SPAG16: variants seen among roughly 807,000 people sequenced by gnomAD.
SPAG16 encodes sperm associated antigen 16.
SPAG16 carries 86 observed loss-of-function variants against 80.4 expected under a neutral mutation model. That is an observed-to-expected ratio of 1.07 (90% CI 0.90 to 1.28). The LOEUF (loss-of-function observed/expected upper bound fraction) is 1.28, where lower values mean the gene tolerates loss of function less well. Among genes scored for constraint, SPAG16 ranks in the 50% most tolerant of loss-of-function variants. SPAG16 has a pLI of 0.00. For missense variants in SPAG16, 870 were observed against 765.3 expected (o/e 1.14, Z -1.61); for synonymous variants, 294 against 265.9 (o/e 1.11, Z -1.03).
chr2:213,552,765 G>A (rs558816852), intron 10 of SPAG16, among the ~76,000 whole-genome samples: 1 of 150,730 alleles, frequency 6.6e-6, no homozygotes, highest in South Asian at 2.1e-4. Context: ...CCTCAATCTG[G>A]GTGGGCACCA....
intron 15 of SPAG16, among the ~76,000 whole-genome samples, chr2:214,248,009 C>T (rs73081082): frequency 0.12 from 18,084 of 151,612 alleles, 1,156 homozygotes; most frequent in Middle Eastern, 0.23. Flanking sequence ...GCAGGGACAA[C>T]AGCAAGTCCG....
chr2:214,343,713 T>G (rs565613457), intron 15 of SPAG16, among the ~76,000 whole-genome samples: 1 of 152,288 alleles, frequency 6.6e-6, no homozygotes, highest in South Asian at 2.1e-4. Flanking sequence ...TTAGTTAGTC[T>G]AGTTTCTACC....
intron 10 of SPAG16, among the ~76,000 whole-genome samples, chr2:213,573,219 T>C (rs2059990273): frequency 6.6e-6 from 1 of 152,114 alleles, no homozygotes; most frequent in African/African-American, 2.4e-5. Flanking sequence ...CGCTGGGAGC[T>C]GTAGACCGGA....
At chr2:214,058,000 A>C (rs2050036094) in intron 13 of SPAG16, among the ~76,000 whole-genome samples, 1 of 152,062 alleles carries the variant, frequency 6.6e-6, no homozygotes, top group African/African-American at 2.4e-5. Context: ...CTTTGGCTTA[A>C]AAAAAATGTT....
intron 10 of SPAG16, among the ~76,000 whole-genome samples, chr2:213,822,292 G>A (rs1211861481): frequency 2.0e-5 from 3 of 151,970 alleles, no homozygotes; most frequent in Non-Finnish European, 4.4e-5. Flanking sequence ...GCATTTCATC[G>A]ATCTTTTTAT....
intron 15 of SPAG16, among the ~76,000 whole-genome samples, chr2:214,257,028 C>T (rs6741126): frequency 0.1 from 15,556 of 151,804 alleles, 836 homozygotes; most frequent in East Asian, 0.18. Flanking sequence ...ATCTTGCAAT[C>T]CGTGGAAATG....
chr2:213,326,861 G>T (rs187048510), intron 5 of SPAG16, among the ~76,000 whole-genome samples: 1 of 151,762 alleles, frequency 6.6e-6, no homozygotes. Context: ...TTTTACCATG[G>T]ATATTCACTT....
intron 12 of SPAG16, among the ~76,000 whole-genome samples, chr2:213,953,709 G>A (rs1198954551): frequency 2.6e-5 from 4 of 151,742 alleles, no homozygotes; most frequent in African/African-American, 9.7e-5. Flanking sequence ...TAACAGAAAC[G>A]TTCAAGTAGA....
At chr2:213,531,934 T>A (rs958293477) in intron 10 of SPAG16, among the ~76,000 whole-genome samples, 2 of 152,200 alleles carry the variant, frequency 1.3e-5, no homozygotes, top group African/African-American at 4.8e-5. Flanking sequence ...GTATCTTGTA[T>A]ATGTACAGAG....
At position 214,225,427 on chromosome 2, in the gene SPAG16, A is replaced by C. The variant is rs142854733; in HGVS notation, c.1720+76161A>C. Among the ~76,000 whole-genome samples the C allele has an allele frequency of 6.1e-3, 929 of 152,278 alleles. 10 individuals are homozygous for C. Among genetic ancestry groups the C allele is most frequent in the South Asian group, 0.038 (183 of 4,820 alleles). On this transcript the variant is annotated intron_variant, in intron 15 of 15. Transcript: ENST00000331683. Reference sequence around the variant, plus strand: ...GAAAGCTGATGGATGCTTGGATCAGAGTGAAAGCAGGGAAGGCAGGGACAC... The same window carrying C: ...GAAAGCTGATGGATGCTTGGATCAGCGTGAAAGCAGGGAAGGCAGGGACAC...
intron 15 of SPAG16, among the ~76,000 whole-genome samples, chr2:214,394,226 A>G (rs949211207): frequency 6.6e-6 from 1 of 151,578 alleles, no homozygotes; most frequent in South Asian, 2.1e-4. Flanking sequence ...CTCTCTTTCT[A>G]AGTCAAGTAA....
chr2:214,129,035 G>A (rs761501645), intron 14 of SPAG16, among the ~76,000 whole-genome samples: 47 of 150,704 alleles, frequency 3.1e-4, no homozygotes, highest in Non-Finnish European at 5.7e-4. Flanking sequence ...ACATCTTTTC[G>A]TGTTCCCTCT....
intron 15 of SPAG16, among the ~76,000 whole-genome samples, chr2:214,273,466 G>T (rs1402610054): frequency 6.6e-6 from 1 of 152,094 alleles, no homozygotes; most frequent in Non-Finnish European, 1.5e-5. Flanking sequence ...ATTAATTTTT[G>T]TGTAAGGTGT....
intron 11 of SPAG16, among the ~76,000 whole-genome samples, chr2:213,894,353 T>A (rs2076907297): frequency 1.3e-5 from 2 of 152,170 alleles, no homozygotes; most frequent in Admixed American, 6.6e-5. Flanking sequence ...TATGATTATT[T>A]TAATAGGTGC....
At chr2:213,921,562 A>G (rs1189004930) in intron 11 of SPAG16, among the ~76,000 whole-genome samples, 1 of 152,028 alleles carries the variant, frequency 6.6e-6, no homozygotes, top group African/African-American at 2.4e-5. Flanking sequence ...TACGAATTTG[A>G]TCCTGTCATC....
chr2:214,320,428 C>T (rs1696014519), intron 15 of SPAG16, among the ~76,000 whole-genome samples: 1 of 152,210 alleles, frequency 6.6e-6, no homozygotes, highest in African/African-American at 2.4e-5. Context: ...TACATTCCTC[C>T]TGTATGAACC....
Position 214,298,113 on chromosome 2 carries a change from TAC to T in SPAG16, c.1721-112007_1721-112006del, listed in dbSNP as rs34626747. On this transcript the variant is annotated intron_variant, in intron 15 of 15. Transcript: ENST00000331683. The stretch of plus-strand genomic sequence containing the variant: ...ATATATGTATGCATATATATATATA[TAC>T]ACACACACACACACACACATACACA... 3.4e-3 allele frequency among the ~76,000 whole-genome samples: 139 copies of T among 41,418 alleles called. 1 individual carries two copies. The highest frequency in any genetic ancestry group is 7.2e-3 in the South Asian group (5 of 698). 27.2% of individuals were successfully genotyped at this position (41,418 alleles called of 152,430 possible).
chr2:213,915,810 A>T (rs2077931804), intron 11 of SPAG16, among the ~76,000 whole-genome samples: 1 of 152,094 alleles, frequency 6.6e-6, no homozygotes, highest in Non-Finnish European at 1.5e-5. Context: ...AATGATCCCC[A>T]TTCTAACTGG....
At chr2:214,194,155 C>A in intron 15 of SPAG16, among the ~76,000 whole-genome samples, 1 of 151,956 alleles carries the variant, frequency 6.6e-6, no homozygotes, top group Non-Finnish European at 1.5e-5. Context: ...AAATAGTTGG[C>A]GAGTTGTCAT....
Sources: allele counts gnomAD v4.1 joint callset (sites outside exome capture counted in the v4.1 genomes callset), GRCh38; gene constraint gnomAD v4.1.1; transcripts MANE v1.5; gene names NCBI Gene and HGNC (gene_info 2026-07-23, HGNC 2026-07-21).